ADGRB2: variants seen among roughly 807,000 people sequenced by gnomAD.
The protein encoded by ADGRB2 is adhesion G protein-coupled receptor B2.
ADGRB2 carries 47 observed loss-of-function variants against 178.7 expected under a neutral mutation model. That is an observed-to-expected ratio of 0.26 (90% CI 0.21 to 0.34). ADGRB2 has a LOEUF of 0.34. ADGRB2 is among the 10% of genes least tolerant of loss of function. The pLI, the probability that ADGRB2 is intolerant of heterozygous loss-of-function variation, is 1.00. For synonymous variants in ADGRB2, 870 were observed against 912.4 expected, an observed-to-expected ratio of 0.95 and a Z score of 0.84; for missense variants, 1,584 against 2,180.8, an observed-to-expected ratio of 0.73 and a Z score of 5.45.
intron 1 of ADGRB2, among the ~76,000 whole-genome samples, chr1:31,757,712 T>C (rs1046185794): frequency 6.6e-6 from 1 of 152,156 alleles, no homozygotes; most frequent in Non-Finnish European, 1.5e-5. Context: ...CAGGGCCTGC[T>C]ACCCCACCCC....
intron 6 of ADGRB2, 106 bp from the exon 7 acceptor site, chr1:31,743,108 C>T (rs1004235470): frequency 4.0e-6 from 5 of 1,256,024 alleles, no homozygotes; most frequent in East Asian, 6.2e-5. Context: ...TCTGCGGCTG[C>T]TCCTCATTGG....
rs1645499252 is a variant in ADGRB2, at chr1:31,735,024, T to A, written c.3452+159A>T. 6.6e-6 allele frequency among the ~76,000 whole-genome samples: 1 copy of A among 152,080 alleles called. No individual in the cohort carries two copies. Among genetic ancestry groups the A allele is most frequent in the Non-Finnish European group, 1.5e-5 (1 of 67,992 alleles). ...TCCACTCCTCATCGCCTTGGCCACC[T>A]CTTGCCGAGCCCTTGAGAGTGTGTG... On this transcript the variant is annotated intron_variant, in intron 25 of 32. Coordinates refer to ENST00000373658, the MANE Select transcript of ADGRB2 (RefSeq NM_001364857.2). The surrounding 1 kb of genome is among the most constrained non-coding windows in gnomAD (Gnocchi z 6.0).
Position 31,762,020 on chromosome 1 carries a change from G to A in ADGRB2, c.-191+1864C>T, listed in dbSNP as rs192985791. Among the ~76,000 whole-genome samples the A allele has an allele frequency of 3.3e-3, 465 of 138,818 alleles. 1 individual carries two copies. The highest frequency in any genetic ancestry group is 5.0e-3 in the Admixed American group (69 of 13,790). 91.1% of individuals were successfully genotyped at this position (138,818 alleles called of 152,430 possible). On this transcript the variant is annotated intron_variant, in intron 1 of 32. Transcript: ENST00000373658. Reference sequence around the variant, plus strand: ...GCTTTTGAACGTAGGTCGTCTGACCGAAAGCTGAATTCCTAACTACTTACT... The same window carrying A: ...GCTTTTGAACGTAGGTCGTCTGACCAAAAGCTGAATTCCTAACTACTTACT...
chr1:31,732,716 G>A (rs1645355632), intron 26 of ADGRB2, 104 bp from the exon 27 acceptor site: 1 of 1,343,716 alleles, frequency 7.4e-7, no homozygotes, highest in Admixed American at 2.0e-5. Flanking sequence ...TAGAAGGAAG[G>A]CAACACATCC....
Position 31,737,761 on chromosome 1 carries a change from G to T in ADGRB2, c.2773-6C>A. 6.2e-7 allele frequency: 1 copy of T among 1,613,010 alleles called. No individual in the cohort carries two copies. Among genetic ancestry groups the T allele is most frequent in the Non-Finnish European group, 8.5e-7 (1 of 1,179,790 alleles). Reference sequence around the variant, plus strand: ...GAGCCCGCCAGCTCCAGGGTCTGGGGAAGATGGGCAGACAGTCAGATGGGT... The same window carrying T: ...GAGCCCGCCAGCTCCAGGGTCTGGGTAAGATGGGCAGACAGTCAGATGGGT... On this transcript the variant is annotated splice_region_variant and splice_polypyrimidine_tract_variant and intron_variant, in intron 18 of 32. Transcript: ENST00000373658.
At chr1:31,748,592 GC>G (rs1432384338) in intron 4 of ADGRB2, among the ~76,000 whole-genome samples, 3 of 152,256 alleles carry the variant, frequency 2.0e-5, no homozygotes, top group African/African-American at 7.2e-5. Flanking sequence ...ACAAGGAGGG[GC>G]CCCCAGAAGG....
chr1:31,755,064 G>T lies in ADGRB2; in HGVS notation c.838+935C>A, dbSNP rs1371992140. On this transcript the variant is annotated intron_variant, in intron 4 of 32. Transcript: ENST00000373658. This position sits in a 1 kb window ranked among gnomAD's most constrained non-coding sequence, Gnocchi z 5.1. ...ATGGGGAAACTGAGGCCCAGAGAGA[G>T]GAGAGGCCTCCCTGTCGGTACCAGA... Among the ~76,000 whole-genome samples the T allele has an allele frequency of 6.6e-6, 1 of 152,244 alleles. No homozygotes were observed. Among genetic ancestry groups the T allele is most frequent in the Non-Finnish European group, 1.5e-5 (1 of 68,042 alleles).
chr1:31,756,914 C>A lies in ADGRB2; in HGVS notation c.22-99G>T. ...CGGGAGTGGGCCTCATAAGTTAAGA[C>A]CCTGGTCTTTGAAGTGTCACCTGGG... On this transcript the variant is annotated intron_variant, in intron 3 of 32. Coordinates refer to ENST00000373658, the MANE Select transcript of ADGRB2 (RefSeq NM_001364857.2). This position sits in a 1 kb window ranked among gnomAD's most constrained non-coding sequence, Gnocchi z 8.5. 1 of 1,280,874 alleles carries A rather than the reference C, an allele frequency of 7.8e-7. No homozygotes were observed. The highest frequency in any genetic ancestry group is 1.6e-5 in the South Asian group (1 of 63,080). 79.3% of individuals were successfully genotyped at this position (1,280,874 alleles called of 1,614,324 possible). A position where few individuals can be genotyped will look rare whatever the true frequency, so the allele number is the denominator to read the frequency against.
chr1:31,727,918 G>T lies in ADGRB2; in HGVS notation c.4572+107C>A. 1 of 1,382,236 alleles carries T rather than the reference G, an allele frequency of 7.2e-7. No individual in the cohort carries two copies. The allele number at this position is 1,382,236 out of a possible 1,614,324, so 85.6% of individuals were successfully genotyped here. The stretch of plus-strand genomic sequence containing the variant: ...CCCAGACTGTTGCCCATGCCGTGGG[G>T]GAGGCCCTTGGTGAGACAGGCTGGG... On this transcript the variant is annotated intron_variant, in intron 32 of 32. Transcript: ENST00000373658. This position sits in a 1 kb window ranked among gnomAD's most constrained non-coding sequence, Gnocchi z 4.4.
chr1:31,729,373 A>G (rs986474169), intron 29 of ADGRB2, among the ~76,000 whole-genome samples: 12 of 151,884 alleles, frequency 7.9e-5, no homozygotes, highest in African/African-American at 2.9e-4. Context: ...GGGCATGCTC[A>G]CCACCATGGG....
At chr1:31,742,363 T>C (rs1351125354) in intron 7 of ADGRB2, 146 bp from the exon 8 acceptor site, 6 of 1,169,508 alleles carry the variant, frequency 5.1e-6, no homozygotes, top group Non-Finnish European at 7.1e-6. Flanking sequence ...GGGAGGGGGT[T>C]ATGAGGAAGG....
rs1645943058 is a variant in ADGRB2, at chr1:31,741,176, G to A, written c.1794+197C>T. ...GCAGGAGCGCAGAGGTAGGCACCAGGGATAAAAGAAGACACTTGAGAGTCA... is the reference window on the plus strand; with the variant it reads ...GCAGGAGCGCAGAGGTAGGCACCAGAGATAAAAGAAGACACTTGAGAGTCA... On this transcript the variant is annotated intron_variant, in intron 11 of 32. Coordinates refer to ENST00000373658, the MANE Select transcript of ADGRB2 (RefSeq NM_001364857.2). The surrounding 1 kb of genome is among the most constrained non-coding windows in gnomAD (Gnocchi z 6.5). Among the ~76,000 whole-genome samples the A allele has an allele frequency of 6.6e-6, 1 of 152,104 alleles. No individual in the cohort carries two copies. Among genetic ancestry groups the A allele is most frequent in the South Asian group, 2.1e-4 (1 of 4,828 alleles).
At position 31,728,517 on chromosome 1, in the gene ADGRB2, G is replaced by A; in HGVS notation, c.4416+81C>T. 3 of 1,591,818 alleles carry A rather than the reference G, an allele frequency of 1.9e-6. No homozygotes were observed. Among genetic ancestry groups the A allele is most frequent in the Non-Finnish European group, 2.6e-6 (3 of 1,159,966 alleles). On this transcript the variant is annotated intron_variant, in intron 30 of 32. Transcript: ENST00000373658. This position sits in a 1 kb window ranked among gnomAD's most constrained non-coding sequence, Gnocchi z 6.7. The stretch of plus-strand genomic sequence containing the variant: ...GGGGTCAGGCTCTGCAACAGAGCTT[G>A]GACTACTTTTAGGAGTGAGCCCTCC...
At chr1:31,743,093 G>T in intron 6 of ADGRB2, 91 bp from the exon 7 acceptor site, 2 of 1,305,074 alleles carry the variant, frequency 1.5e-6, no homozygotes, top group Non-Finnish European at 2.0e-6. Context: ...CAGGAGCTCC[G>T]CAGCTCTGCG....
In ADGRB2 at chr1:31,737,704, C is replaced by G. The variant is rs1645697135; in HGVS notation, c.2824G>C (p.Val942Leu). Residue 942 changes from valine (V) to leucine (L), a missense_variant, in exon 19 of 33, where the codon GTG becomes CTG. Physicochemically the swap from Val to Leu is conservative, Grantham distance 32. This residue lies in a region of ADGRB2 where 865 missense variants were observed against 1,192.8 expected (regional missense o/e 0.73). Coordinates refer to ENST00000373658, the MANE Select transcript of ADGRB2 (RefSeq NM_001364857.2). ...PSVPLVIGCA[V>L]SCMALLTLLA... is the part of the protein sequence containing the mutation. ...AGGGTGAGCAGCGCCATGCACGACA[C>G]TGCACAGCCGATCACCAGGGGGACC... 6.2e-7 allele frequency: 1 copy of G among 1,613,596 alleles called. No homozygotes were observed. The highest frequency in any genetic ancestry group is 1.1e-5 in the South Asian group (1 of 91,090).
chr1:31,728,054 C>G lies in ADGRB2; in HGVS notation c.4543G>C (p.Gly1515Arg). ...CACACGCTCCGCTCGGCTGCCCCACCCGAGGACACACTCCACCGCTTCTCC... is the reference window on the plus strand; with the variant it reads ...CACACGCTCCGCTCGGCTGCCCCACGCGAGGACACACTCCACCGCTTCTCC... ...KREKRWSVSS[G>R]GAAERSVCTD... The change falls in exon 32 of 33, where the codon GGT (glycine) becomes CGT (arginine). Residue 1515 changes from glycine to arginine, a missense_variant. Gly to Arg is a moderately radical substitution (Grantham distance 125, BLOSUM62 -2). Coordinates refer to ENST00000373658, the MANE Select transcript of ADGRB2 (RefSeq NM_001364857.2). This position sits in a 1 kb window ranked among gnomAD's most constrained non-coding sequence, Gnocchi z 6.7. 6.3e-7 allele frequency: 1 copy of G among 1,594,604 alleles called. No individual in the cohort carries two copies.
intron 4 of ADGRB2, among the ~76,000 whole-genome samples, chr1:31,749,774 G>A (rs1032067640): frequency 6.6e-6 from 1 of 152,140 alleles, no homozygotes; most frequent in African/African-American, 2.4e-5. Context: ...AATTTTAGCT[G>A]GGTTTGGTGG....
At position 31,744,338 on chromosome 1, in the gene ADGRB2, C is replaced by T. The variant is rs1222458499; in HGVS notation, c.942G>A (p.Glu314=). 1.3e-6 allele frequency: 2 copies of T among 1,550,746 alleles called. No individual in the cohort carries two copies. The highest frequency in any genetic ancestry group is 1.7e-6 in the Non-Finnish European group (2 of 1,146,842). ...MAQTGDPAAE[E]WSPWSVCSLT... ...GGGAACACACGCTCCACGGGGACCA[C>T]TCCTCAGCCGCCGGGTCGCCTACGA... is the stretch of plus-strand genomic sequence containing the variant. The change falls in exon 6 of 33, where the codon GAG becomes GAA. Residue 314 remains glutamate, a synonymous_variant. Transcript: ENST00000373658. The surrounding 1 kb of genome is among the most constrained non-coding windows in gnomAD (Gnocchi z 6.7).
intron 1 of ADGRB2, among the ~76,000 whole-genome samples, chr1:31,762,989 G>A (rs1297790746): frequency 6.6e-6 from 1 of 152,240 alleles, no homozygotes; most frequent in Non-Finnish European, 1.5e-5. Flanking sequence ...GGACCAAGCT[G>A]ACTGCGGGAG....
Sources: allele counts gnomAD v4.1 joint callset (sites outside exome capture counted in the v4.1 genomes callset), GRCh38; gene constraint gnomAD v4.1.1; regional missense constraint gnomAD v4.1.1; non-coding constraint Gnocchi (gnomAD v3.1); transcripts MANE v1.5; gene names NCBI Gene and HGNC (gene_info 2026-07-23, HGNC 2026-07-21).